The following GRIN2A variants were observed in gnomAD, a reference collection of about 807,000 sequenced individuals.
GRIN2A encodes the protein glutamate ionotropic receptor NMDA type subunit 2A.
GRIN2A carries 22 observed loss-of-function variants against 113.4 expected under a neutral mutation model. The ratio of observed to expected loss-of-function variants is 0.19; its 90% CI spans 0.14 to 0.28. The LOEUF is 0.28. Among genes scored for constraint, GRIN2A ranks in the 10% least tolerant of loss-of-function variants. GRIN2A has a pLI of 1.00. For missense variants in GRIN2A, 1,502 were observed against 1,887.0 expected, an observed-to-expected ratio of 0.80 and a Z score of 3.78; for synonymous variants, 827 against 738.4, an observed-to-expected ratio of 1.12 and a Z score of -1.94.
At chr16:10,107,952 A>G (rs1252493214) in intron 2 of GRIN2A, among the ~76,000 whole-genome samples, 1 of 152,138 alleles carries the variant, frequency 6.6e-6, no homozygotes, top group Non-Finnish European at 1.5e-5. Flanking sequence ...AGTTCTGGGA[A>G]AGTACAGTTT....
At chr16:9,859,828 C>A (rs1596507329) in intron 4 of GRIN2A, among the ~76,000 whole-genome samples, 1 of 152,140 alleles carries the variant, frequency 6.6e-6, no homozygotes, top group Admixed American at 6.5e-5. Flanking sequence ...TCCCATGGAA[C>A]CTAATTCTCC....
chr16:10,098,147 G>T (rs1034498448), intron 2 of GRIN2A, among the ~76,000 whole-genome samples: 38 of 152,072 alleles, frequency 2.5e-4, no homozygotes, highest in African/African-American at 8.7e-4. Flanking sequence ...TGGGCTAAGG[G>T]CATGAACAGA....
intron 8 of GRIN2A, among the ~76,000 whole-genome samples, chr16:9,829,942 T>G (rs1567329577): frequency 6.6e-6 from 1 of 152,242 alleles, no homozygotes; most frequent in Non-Finnish European, 1.5e-5. Context: ...TGTTATGACC[T>G]GTTTTAAATT....
chr16:9,779,175 G>A (rs1433202784), intron 11 of GRIN2A, among the ~76,000 whole-genome samples: 2 of 152,212 alleles, frequency 1.3e-5, no homozygotes, highest in African/African-American at 4.8e-5. Context: ...CATGGAGCCT[G>A]GTCTCCCAGG....
intron 10 of GRIN2A, among the ~76,000 whole-genome samples, chr16:9,807,048 A>G (rs2041985047): frequency 6.6e-6 from 1 of 151,256 alleles, no homozygotes; most frequent in African/African-American, 2.4e-5. Flanking sequence ...GCCTGCCACC[A>G]TGTAAGACAT....
intron 4 of GRIN2A, among the ~76,000 whole-genome samples, chr16:9,868,894 C>T (rs549836743): frequency 7.9e-5 from 12 of 152,312 alleles, no homozygotes; most frequent in African/African-American, 2.6e-4. Context: ...CACTCTCTGC[C>T]TGGCACTCTC....
At chr16:10,013,529 C>T (rs1259078153) in intron 2 of GRIN2A, among the ~76,000 whole-genome samples, 1 of 152,228 alleles carries the variant, frequency 6.6e-6, no homozygotes, top group Non-Finnish European at 1.5e-5. Context: ...TTCTCCTCCA[C>T]AGGACAGCCC....
chr16:10,053,303 G>A (rs1264439072), intron 2 of GRIN2A, among the ~76,000 whole-genome samples: 1 of 152,322 alleles, frequency 6.6e-6, no homozygotes, highest in East Asian at 1.9e-4. Flanking sequence ...GACCTTAAAT[G>A]TCAGGCTAAA....
intron 4 of GRIN2A, among the ~76,000 whole-genome samples, chr16:9,878,846 C>G (rs984614609): frequency 7.0e-6 from 1 of 142,788 alleles, no homozygotes; most frequent in African/African-American, 2.8e-5. Context: ...ACAAAAGAAC[C>G]AGTGCAAGAC....
chr16:9,963,351 G>T (rs954023508), intron 2 of GRIN2A, among the ~76,000 whole-genome samples: 2 of 152,004 alleles, frequency 1.3e-5, no homozygotes, highest in Non-Finnish European at 2.9e-5. Context: ...TGCCATGGTG[G>T]TTGGCTGCCC....
At chr16:9,888,225 G>C (rs1329429280) in intron 4 of GRIN2A, among the ~76,000 whole-genome samples, 1 of 152,156 alleles carries the variant, frequency 6.6e-6, no homozygotes, top group South Asian at 2.1e-4. Flanking sequence ...ACAAGTGTTA[G>C]AAAATAAAAA....
chr16:10,144,193 T>C (rs145446883), intron 2 of GRIN2A, among the ~76,000 whole-genome samples: 1 of 152,190 alleles, frequency 6.6e-6, no homozygotes, highest in Non-Finnish European at 1.5e-5. Flanking sequence ...CACCAACCGA[T>C]AATAAAAATT....
intron 2 of GRIN2A, among the ~76,000 whole-genome samples, chr16:10,158,357 A>T (rs1433928528): frequency 6.6e-6 from 1 of 152,146 alleles, no homozygotes; most frequent in African/African-American, 2.4e-5. Flanking sequence ...GAGTAGGGGG[A>T]TATCTATCCT....
At chr16:10,033,377 C>T (rs566339423) in intron 2 of GRIN2A, among the ~76,000 whole-genome samples, 1 of 152,208 alleles carries the variant, frequency 6.6e-6, no homozygotes, top group Admixed American at 6.5e-5. Context: ...TATCAGAAAC[C>T]CAGAGCCTGG....
At chr16:10,010,438 C>T (rs1242751981) in intron 2 of GRIN2A, among the ~76,000 whole-genome samples, 1 of 152,168 alleles carries the variant, frequency 6.6e-6, no homozygotes, top group Non-Finnish European at 1.5e-5. Context: ...ACCTGTATAA[C>T]AAACTTGCAC....
intron 2 of GRIN2A, among the ~76,000 whole-genome samples, chr16:9,988,927 G>A (rs1020759821): frequency 2.6e-5 from 4 of 152,086 alleles, no homozygotes; most frequent in Non-Finnish European, 4.4e-5. Flanking sequence ...TTCCCTTCAA[G>A]CCAATATTGA....
At position 10,180,970 on chromosome 16, in the gene GRIN2A, C is replaced by T. The variant is rs1200803740; in HGVS notation, c.-18-541G>A. ...TTGAGAGCTCAGCTAGTTGGCTGAC[C>T]CCGCCCCCTACGAGCCCGTCGTGTG... is the stretch of plus-strand genomic sequence containing the variant. On this transcript the variant is annotated intron_variant, in intron 1 of 12. Coordinates refer to ENST00000330684, the MANE Select transcript of GRIN2A (RefSeq NM_001134407.3). The surrounding 1 kb of genome is among the most constrained non-coding windows in gnomAD (Gnocchi z 7.0). Among the ~76,000 whole-genome samples, 2 of 152,206 alleles carry T rather than the reference C, an allele frequency of 1.3e-5. No individual in the cohort carries two copies. Among genetic ancestry groups the T allele is most frequent in the East Asian group, 3.9e-4 (2 of 5,184 alleles).
intron 2 of GRIN2A, among the ~76,000 whole-genome samples, chr16:10,126,692 G>C (rs1204121925): frequency 6.6e-6 from 1 of 152,010 alleles, no homozygotes; most frequent in Non-Finnish European, 1.5e-5. Context: ...CCATTTGTTG[G>C]TTTCTGTTAA....
intron 2 of GRIN2A, among the ~76,000 whole-genome samples, chr16:9,954,425 CATCTTGCTGTTG>C (rs2045259347): frequency 1.3e-5 from 2 of 152,156 alleles, no homozygotes; most frequent in Non-Finnish European, 2.9e-5. Flanking sequence ...CACATTGCAT[CATCTTGCTGTTG>C]ATGTCTCCTC....
Sources: allele counts gnomAD v4.1 joint callset (sites outside exome capture counted in the v4.1 genomes callset), GRCh38; gene constraint gnomAD v4.1.1; non-coding constraint Gnocchi (gnomAD v3.1); transcripts MANE v1.5; gene names NCBI Gene and HGNC (gene_info 2026-07-23, HGNC 2026-07-21).